The following RNF150 variants were observed in gnomAD, a reference collection of about 807,000 sequenced individuals.
RNF150 encodes ring finger protein 150.
RNF150 carries 24 observed loss-of-function variants against 39.3 expected under a neutral mutation model. The observed-to-expected ratio is 0.61, with a 90% CI of 0.44 to 0.86. The LOEUF is 0.86. Among genes scored for constraint, RNF150 ranks in the 40% least tolerant of loss-of-function variants. The pLI is 0.00. For missense variants in RNF150, 502 were observed against 587.8 expected (o/e 0.85, Z 1.51); for synonymous variants, 255 against 227.3 (o/e 1.12, Z -1.10).
intron 1 of RNF150, among the ~76,000 whole-genome samples, chr4:141,066,980 T>A (rs754447507): frequency 2.6e-5 from 4 of 152,136 alleles, no homozygotes; most frequent in Admixed American, 2.6e-4. Context: ...CTGTATAACA[T>A]GTTACTATAC....
chr4:141,039,081 G>A (rs1459564540), intron 1 of RNF150, among the ~76,000 whole-genome samples: 1 of 152,120 alleles, frequency 6.6e-6, no homozygotes, highest in Non-Finnish European at 1.5e-5. Flanking sequence ...TGCAGTGGGT[G>A]GGAAATAAAG....
chr4:141,082,125 A>G (rs915567598), intron 1 of RNF150, among the ~76,000 whole-genome samples: 4 of 152,218 alleles, frequency 2.6e-5, no homozygotes, highest in African/African-American at 9.6e-5. Context: ...CAATAATTTG[A>G]GCTCTGAGTT....
chr4:140,896,610 C>T (rs1324465590), intron 6 of RNF150, among the ~76,000 whole-genome samples: 11 of 100,420 alleles, frequency 1.1e-4, no homozygotes, highest in South Asian at 4.2e-4. Context: ...GTGGGTGCAG[C>T]GCACCAGCAT....
At chr4:140,957,051 A>C (rs1732786288) in intron 2 of RNF150, among the ~76,000 whole-genome samples, 1 of 149,418 alleles carries the variant, frequency 6.7e-6, no homozygotes, top group Non-Finnish European at 1.5e-5. Context: ...CAAAATTGAC[A>C]AATGGGATCT....
chr4:141,004,786 T>C (rs1337174248), intron 1 of RNF150, among the ~76,000 whole-genome samples: 1 of 152,228 alleles, frequency 6.6e-6, no homozygotes, highest in Admixed American at 6.5e-5. Context: ...ATCCTGGTTG[T>C]CACTAGAAAT....
intron 1 of RNF150, among the ~76,000 whole-genome samples, chr4:141,017,996 T>C (rs187153226): frequency 1.3e-5 from 2 of 152,304 alleles, no homozygotes; most frequent in East Asian, 3.9e-4. Flanking sequence ...CAGTCCTCTA[T>C]AAACCTCACA....
intron 6 of RNF150, among the ~76,000 whole-genome samples, chr4:140,888,252 A>C (rs1231225286): frequency 6.6e-6 from 1 of 152,174 alleles, no homozygotes; most frequent in Non-Finnish European, 1.5e-5. Context: ...AAAAGGTGAC[A>C]GACTCACTCT....
chr4:140,913,331 G>C (rs1224667921), intron 5 of RNF150, among the ~76,000 whole-genome samples: 2 of 152,124 alleles, frequency 1.3e-5, no homozygotes, highest in East Asian at 3.8e-4. Flanking sequence ...GGAATTACAT[G>C]CTCCCTGGCA....
intron 6 of RNF150, among the ~76,000 whole-genome samples, chr4:140,892,011 A>G (rs1202912728): frequency 6.6e-6 from 1 of 152,184 alleles, no homozygotes; most frequent in Non-Finnish European, 1.5e-5. Context: ...TCTTCCAAGC[A>G]ACTGGTTCCT....
chr4:141,053,111 T>C (rs1286433026), intron 1 of RNF150, among the ~76,000 whole-genome samples: 2 of 152,154 alleles, frequency 1.3e-5, no homozygotes, highest in East Asian at 1.9e-4. Context: ...ACACGGTAAG[T>C]GCTGAAAAGT....
intron 1 of RNF150, among the ~76,000 whole-genome samples, chr4:141,150,680 T>C (rs939096456): frequency 5.9e-5 from 9 of 152,180 alleles, no homozygotes; most frequent in Admixed American, 5.9e-4. Flanking sequence ...TTTTCTACTC[T>C]TTTTCCCCCA....
chr4:141,152,354 T>C (rs1390063780), intron 1 of RNF150, among the ~76,000 whole-genome samples: 3 of 152,202 alleles, frequency 2.0e-5, no homozygotes, highest in Non-Finnish European at 2.9e-5. Flanking sequence ...ACTTTTGAGA[T>C]GAATTGAGCA....
chr4:141,077,189 C>A (rs537805445), intron 1 of RNF150, among the ~76,000 whole-genome samples: 1 of 152,204 alleles, frequency 6.6e-6, no homozygotes, highest in Non-Finnish European at 1.5e-5. Flanking sequence ...CATGTTCACA[C>A]AAGACCCTCT....
At chr4:141,102,733 T>C (rs991411789) in intron 1 of RNF150, among the ~76,000 whole-genome samples, 1 of 152,178 alleles carries the variant, frequency 6.6e-6, no homozygotes, top group Non-Finnish European at 1.5e-5. Context: ...TACACAGCTG[T>C]GGGCAAGATT....
At chr4:141,064,987 T>C (rs532272049) in intron 1 of RNF150, among the ~76,000 whole-genome samples, 8 of 152,358 alleles carry the variant, frequency 5.3e-5, no homozygotes, top group African/African-American at 1.4e-4. Context: ...TGCCTCAGCC[T>C]CCCAAGTAGC....
intron 1 of RNF150, among the ~76,000 whole-genome samples, chr4:141,087,807 T>A (rs1738424241): frequency 1.3e-5 from 2 of 152,228 alleles, no homozygotes; most frequent in Admixed American, 1.3e-4. Flanking sequence ...GGTAGTTACA[T>A]CTTTTGTAAC....
At chr4:141,099,026 T>C (rs1738907712) in intron 1 of RNF150, among the ~76,000 whole-genome samples, 1 of 152,164 alleles carries the variant, frequency 6.6e-6, no homozygotes, top group African/African-American at 2.4e-5. Flanking sequence ...AATGTGGCGA[T>C]TTGGTGATTC....
chr4:141,056,178 AAATTTT>A (rs1736962862), intron 1 of RNF150, among the ~76,000 whole-genome samples: 1 of 152,206 alleles, frequency 6.6e-6, no homozygotes, highest in African/African-American at 2.4e-5. Context: ...TCTATTAACC[AAATTTT>A]AAGAAACTGT....
At chr4:141,158,093 G>A (rs1578772111) in intron 1 of RNF150, among the ~76,000 whole-genome samples, 1 of 152,102 alleles carries the variant, frequency 6.6e-6, no homozygotes, top group African/African-American at 2.4e-5. Context: ...GAGTTCAAGA[G>A]CAGCCTGACC....
Sources: gnomAD v4.1 joint callset for allele counts (sites outside exome capture counted in the v4.1 genomes callset) on GRCh38, gnomAD v4.1.1 for gene constraint, MANE v1.5 for transcripts, NCBI Gene and HGNC (gene_info 2026-07-23, HGNC 2026-07-21) for gene names.